Variants in IQSEC1 observed in about 807,000 individuals in gnomAD.
IQSEC1 encodes the protein IQ motif and SEC7 domain-containing protein 1.
IQSEC1 carries 31 observed loss-of-function variants against 91.0 expected under a neutral mutation model. The ratio of observed to expected loss-of-function variants is 0.34; its 90% CI spans 0.26 to 0.46. IQSEC1 has a LOEUF of 0.46. Among genes scored for constraint, IQSEC1 ranks in the 20% least tolerant of loss-of-function variants. The pLI is 1.00. For synonymous variants in IQSEC1, 699 were observed against 662.6 expected (o/e 1.05, Z -0.84); for missense variants, 1,388 against 1,575.6 (o/e 0.88, Z 2.02).
At chr3:13,124,806 G>C (rs1394162758) in intron 2 of IQSEC1, among the ~76,000 whole-genome samples, 1 of 152,160 alleles carries the variant, frequency 6.6e-6, no homozygotes, top group Non-Finnish European at 1.5e-5. Flanking sequence ...CTCAGTCATG[G>C]GCCATGCCCT....
At chr3:13,002,557 A>AG in intron 1 of IQSEC1, among the ~76,000 whole-genome samples, 1 of 152,092 alleles carries the variant, frequency 6.6e-6, no homozygotes, top group East Asian at 1.9e-4. Context: ...CAAAAAAAAA[A>AG]AAAAAAAGGA....
chr3:13,192,337 C>CAA (rs540610255), intron 1 of IQSEC1, among the ~76,000 whole-genome samples: 8 of 94,964 alleles, frequency 8.4e-5, no homozygotes, highest in Admixed American at 2.4e-4. Context: ...GACTCTGTCT[C>CAA]AAAAAAAAAA....
chr3:13,267,587 C>A (rs540690744), intron 1 of IQSEC1, among the ~76,000 whole-genome samples: 1 of 151,926 alleles, frequency 6.6e-6, no homozygotes, highest in East Asian at 1.9e-4. Flanking sequence ...CCTTCTGGGG[C>A]CAGAGTCAGC....
At chr3:13,022,594 G>C (rs1482113810) in intron 1 of IQSEC1, 16 of 343,710 alleles carry the variant, frequency 4.7e-5, no homozygotes, top group Non-Finnish European at 6.6e-5. Flanking sequence ...CAGAGAGAGG[G>C]AGGCGGGCGG....
At chr3:13,226,061 T>C (rs1054862734) in intron 1 of IQSEC1, among the ~76,000 whole-genome samples, 2 of 152,130 alleles carry the variant, frequency 1.3e-5, no homozygotes, top group African/African-American at 4.8e-5. Flanking sequence ...TTGTTTTTAG[T>C]AGAGACAGGG....
intron 1 of IQSEC1, among the ~76,000 whole-genome samples, chr3:12,942,545 G>T (rs1378970870): frequency 6.6e-6 from 1 of 152,138 alleles, no homozygotes; most frequent in Non-Finnish European, 1.5e-5. Flanking sequence ...AGAGCTTGCA[G>T]TGAGCCAAGA....
At chr3:13,153,002 C>T (rs1392324373) in intron 2 of IQSEC1, among the ~76,000 whole-genome samples, 1 of 151,946 alleles carries the variant, frequency 6.6e-6, no homozygotes, top group African/African-American at 2.4e-5. Context: ...TGGGCTGTCC[C>T]CTCTCCTCCC....
chr3:13,196,200 C>T (rs1353199289), intron 1 of IQSEC1, among the ~76,000 whole-genome samples: 2 of 152,124 alleles, frequency 1.3e-5, no homozygotes, highest in Middle Eastern at 3.2e-3. Flanking sequence ...GGTGCCAGCC[C>T]ATAGTCTCAG....
At position 12,967,617 on chromosome 3, in the gene IQSEC1, C is replaced by T; in HGVS notation, c.24-25752G>A. The T allele has an allele frequency of 8.1e-7, 1 of 1,235,564 alleles. No homozygotes were observed. Among genetic ancestry groups the T allele is most frequent in the East Asian group, 3.4e-5 (1 of 29,328 alleles). The allele number at this position is 1,235,564 out of a possible 1,614,324, so 76.5% of individuals were successfully genotyped here. A position where few individuals can be genotyped will look rare whatever the true frequency, so the allele number is the denominator to read the frequency against. ...TCGGGGCTCCTGGTCCAGCGTCCGC[C>T]GGCTCCCGCGGCTCCGGCCCCAAGT... On this transcript the variant is annotated intron_variant, in intron 1 of 13. Coordinates refer to ENST00000613206, the MANE Select transcript of IQSEC1 (RefSeq NM_001134382.3). The surrounding 1 kb of genome is among the most constrained non-coding windows in gnomAD (Gnocchi z 5.9).
chr3:13,229,130 A>G (rs1343560266), intron 1 of IQSEC1, among the ~76,000 whole-genome samples: 1 of 152,236 alleles, frequency 6.6e-6, no homozygotes, highest in Non-Finnish European at 1.5e-5. Flanking sequence ...GGCACAGCAC[A>G]GAACAGAGTA....
intron 1 of IQSEC1, among the ~76,000 whole-genome samples, chr3:13,164,175 G>T (rs893806588): frequency 1.3e-5 from 2 of 152,112 alleles, no homozygotes; most frequent in Non-Finnish European, 2.9e-5. Flanking sequence ...AGAACCCTCT[G>T]CTCCGGGAGA....
chr3:12,900,354 A>G lies in IQSEC1; in HGVS notation c.*629T>C. ...ATTGTCTCACACACCCAGCTAAGGT[A>G]CTGTCTTCCTATTAGGTAAGTGGAG... On this transcript the variant is annotated 3_prime_UTR_variant, in exon 14 of 14. Transcript: ENST00000613206. 1.0e-6 allele frequency: 1 copy of G among 984,942 alleles called. No individual in the cohort carries two copies. The highest frequency in any genetic ancestry group is 1.2e-6 in the Non-Finnish European group (1 of 829,744). 61.0% of individuals were successfully genotyped at this position (984,942 alleles called of 1,614,324 possible).
intron 1 of IQSEC1, among the ~76,000 whole-genome samples, chr3:13,183,214 A>ACAAAC (rs1559272107): frequency 1.3e-5 from 2 of 150,654 alleles, no homozygotes; most frequent in East Asian, 2.0e-4. Context: ...AACAAACATA[A>ACAAAC]ATAAATAAAA....
At chr3:13,172,246 G>T (rs1454597933) in intron 1 of IQSEC1, among the ~76,000 whole-genome samples, 2 of 152,250 alleles carry the variant, frequency 1.3e-5, no homozygotes, top group Admixed American at 1.3e-4. Context: ...GCCATGGTTG[G>T]GGGAGGTTTG....
chr3:13,100,255 A>G (rs1261134916), intron 2 of IQSEC1, among the ~76,000 whole-genome samples: 1 of 147,940 alleles, frequency 6.8e-6, no homozygotes, highest in Non-Finnish European at 1.5e-5. Context: ...CCTCCCTCCA[A>G]AACAGAAGAA....
In IQSEC1 at chr3:13,207,118, C is replaced by T. The variant is rs1253892411; in HGVS notation, c.273-42985G>A. ...TTGCTGGCCCTGACAATTTCTACTA[C>T]TGCATCGTGGGACCACCCAACTTGT... On this transcript the variant is annotated intron_variant, in intron 1 of 15. Coordinates refer to the IQSEC1 transcript ENST00000648114. The surrounding 1 kb of genome is among the most constrained non-coding windows in gnomAD (Gnocchi z 4.8). Among the ~76,000 whole-genome samples, 1 of 152,130 alleles carries T rather than the reference C, an allele frequency of 6.6e-6. No individual in the cohort carries two copies. Among genetic ancestry groups the T allele is most frequent in the Non-Finnish European group, 1.5e-5 (1 of 68,034 alleles).
intron 1 of IQSEC1, among the ~76,000 whole-genome samples, chr3:12,951,037 G>C (rs1338424766): frequency 2.6e-5 from 4 of 152,274 alleles, no homozygotes; most frequent in Non-Finnish European, 4.4e-5. Context: ...TTGACCACAA[G>C]GAGTTCAAGG....
intron 1 of IQSEC1, among the ~76,000 whole-genome samples, chr3:13,169,290 G>A (rs191545253): frequency 1.8e-3 from 281 of 152,334 alleles, no homozygotes; most frequent in Non-Finnish European, 2.1e-3. Flanking sequence ...CGCCATCCAC[G>A]TAAGATGTGA....
At chr3:13,248,343 C>T (rs1695140632) in intron 1 of IQSEC1, among the ~76,000 whole-genome samples, 1 of 152,218 alleles carries the variant, frequency 6.6e-6, no homozygotes, top group Admixed American at 6.5e-5. Flanking sequence ...GCTTGAGGAT[C>T]CCCGAGCTCT....
Sources: allele counts gnomAD v4.1 joint callset (sites outside exome capture counted in the v4.1 genomes callset), GRCh38; gene constraint gnomAD v4.1.1; non-coding constraint Gnocchi (gnomAD v3.1); transcripts MANE v1.5; gene names NCBI Gene and HGNC (gene_info 2026-07-23, HGNC 2026-07-21).